The following SLC22A9 variants were observed in gnomAD, a reference collection of about 807,000 sequenced individuals.
SLC22A9 encodes the protein solute carrier family 22 member 9, also known as organic anion transporter 7.
In SLC22A9, 64 loss-of-function variants were observed where a neutral mutation model predicts 50.1. That is an observed-to-expected ratio of 1.28 (90% CI 1.04 to 1.57). The LOEUF (loss-of-function observed/expected upper bound fraction) is 1.57. Among genes scored for constraint, SLC22A9 ranks in the 40% most tolerant of loss-of-function variants. SLC22A9 has a pLI of 0.00. For missense variants in SLC22A9, 757 were observed against 676.1 expected, an observed-to-expected ratio of 1.12 and a Z score of -1.33; for synonymous variants, 261 against 242.5, an observed-to-expected ratio of 1.08 and a Z score of -0.71.
chr11:63,408,260 A>G (rs2015074749), intron 8 of SLC22A9, 40 bp downstream of exon 8: 2 of 1,498,286 alleles, frequency 1.3e-6, no homozygotes, highest in Non-Finnish European at 1.9e-6. Flanking sequence ...TTCAAAATGG[A>G]CCTTTCTCAG....
intron 6 of SLC22A9, among the ~76,000 whole-genome samples, chr11:63,404,194 G>C (rs1233547599): frequency 6.6e-6 from 1 of 152,080 alleles, no homozygotes; most frequent in Non-Finnish European, 1.5e-5. Flanking sequence ...TACCCAACAT[G>C]TATGAACCTT....
intron 2 of SLC22A9, 43 bp downstream of exon 2, chr11:63,371,281 A>G: frequency 7.1e-7 from 1 of 1,412,142 alleles, no homozygotes; most frequent in East Asian, 2.3e-5. Context: ...GGCATTTTTT[A>G]TCAACTTATG....
Position 63,382,254 on chromosome 11 carries a change from G to T in SLC22A9, c.1050G>T (p.Arg350Ser), listed in dbSNP as rs780625044. ...EMLHMPNICKRISLLSFTRFA... is the reference protein window; with the variant it reads ...EMLHMPNICKSISLLSFTRFA... ...TCCACATGCCCAACATATGTAAAAGGATCTCCCTCCTGTCCTTTACGAGGT... is the reference window on the plus strand; with the variant it reads ...TCCACATGCCCAACATATGTAAAAGTATCTCCCTCCTGTCCTTTACGAGGT... Residue 350 changes from arginine (R) to serine (S), a missense_variant, in exon 6 of 10, where the codon AGG becomes AGT. Transcript: ENST00000279178. 9 of 1,609,958 alleles carry T rather than the reference G, an allele frequency of 5.6e-6. No individual in the cohort carries two copies. Among genetic ancestry groups the T allele is most frequent in the Non-Finnish European group, 6.8e-6 (8 of 1,178,690 alleles).
intron 6 of SLC22A9, among the ~76,000 whole-genome samples, chr11:63,384,604 G>T (rs933024685): frequency 2.0e-5 from 3 of 152,090 alleles, no homozygotes; most frequent in African/African-American, 4.8e-5. Context: ...ATGAATGTAC[G>T]TGTGCAAGTA....
Position 63,398,207 on chromosome 11 carries a change from C to T in SLC22A9, c.1074-8290C>T, listed in dbSNP as rs1353665032. 2.0e-5 allele frequency among the ~76,000 whole-genome samples: 3 copies of T among 152,036 alleles called. No individual in the cohort carries two copies. In the East Asian group the frequency reaches 5.8e-4, roughly 29 times the overall value. On this transcript the variant is annotated intron_variant, in intron 6 of 9. Coordinates refer to ENST00000279178, the MANE Select transcript of SLC22A9 (RefSeq NM_080866.3). ...GGGAGCTACATCCTAGAATGCAGGCCCCAGGACCCTATTCTACTGTGGCTG... is the reference window on the plus strand; with the variant it reads ...GGGAGCTACATCCTAGAATGCAGGCTCCAGGACCCTATTCTACTGTGGCTG...
At chr11:63,386,757 AT>A (rs1213656494) in intron 6 of SLC22A9, among the ~76,000 whole-genome samples, 1 of 150,376 alleles carries the variant, frequency 6.6e-6, no homozygotes, top group Non-Finnish European at 1.5e-5. Context: ...TATTTTATTA[AT>A]TTTTTCAAAA....
intron 6 of SLC22A9, among the ~76,000 whole-genome samples, chr11:63,385,106 G>GTTTTGTTTTTTTTGTTGTTGTTGTTGTTT (rs2014638948): frequency 5.5e-4 from 42 of 76,528 alleles, no homozygotes; most frequent in African/African-American, 2.1e-3. Context: ...TGATGATACA[G>GTTTTGTTTTTTTTGTTGTTGTTGTTGTTT]TTTTTTTTTT....
At chr11:63,375,053 A>G (rs2014436598) in intron 4 of SLC22A9, among the ~76,000 whole-genome samples, 1 of 152,184 alleles carries the variant, frequency 6.6e-6, no homozygotes, top group African/African-American at 2.4e-5. Flanking sequence ...AGAAGAGTTC[A>G]GATAGAAAAG....
chr11:63,399,235 C>A (rs150885448), intron 6 of SLC22A9, among the ~76,000 whole-genome samples: 19 of 152,216 alleles, frequency 1.2e-4, no homozygotes, highest in Non-Finnish European at 1.8e-4. Flanking sequence ...GGACTAAATT[C>A]TCCAATTAAA....
At chr11:63,406,837 A>G in intron 7 of SLC22A9, 126 bp downstream of exon 7, 1 of 1,071,154 alleles carries the variant, frequency 9.3e-7, no homozygotes, top group Non-Finnish European at 1.3e-6. Context: ...TCCTGACACC[A>G]ATCTGGGGAT....
At chr11:63,397,969 A>G (rs1565188394) in intron 6 of SLC22A9, among the ~76,000 whole-genome samples, 2 of 152,146 alleles carry the variant, frequency 1.3e-5, no homozygotes, top group East Asian at 3.9e-4. Flanking sequence ...CCCCTTAATT[A>G]CCACAGCTGG....
At chr11:63,380,760 C>T (rs2014546378) in intron 5 of SLC22A9, among the ~76,000 whole-genome samples, 1 of 151,880 alleles carries the variant, frequency 6.6e-6, no homozygotes, top group South Asian at 2.1e-4. Flanking sequence ...GGGTACTGTG[C>T]TTATTAACTT....
At chr11:63,394,794 T>C (rs2119967830) in intron 6 of SLC22A9, among the ~76,000 whole-genome samples, 1 of 152,308 alleles carries the variant, frequency 6.6e-6, no homozygotes, top group African/African-American at 2.4e-5. Context: ...GGGGAAGTTT[T>C]CCTCAATTTT....
intron 6 of SLC22A9, among the ~76,000 whole-genome samples, chr11:63,389,840 T>C (rs1442100946): frequency 1.3e-5 from 2 of 152,196 alleles, no homozygotes; most frequent in Non-Finnish European, 2.9e-5. Context: ...CTCATCAGCA[T>C]CTGTTGTTTC....
chr11:63,373,666 A>T lies in SLC22A9; in HGVS notation c.529A>T (p.Arg177Ter), dbSNP rs146090844. The T allele has an allele frequency of 3.4e-5, 54 of 1,585,402 alleles. No individual in the cohort carries two copies. In the East Asian group the frequency reaches 9.4e-4, roughly 28 times the overall value. ...SDRFGRRFVL[R>*]WCYLQVAIVG... ...CAGGTTTGGGAGAAGGTTCGTGCTC[A>T]GATGGTGTTACCTCCAGGTTGCCAT... The change falls in exon 3 of 10, where the codon AGA becomes TGA. Residue 177 changes from arginine to a stop codon, truncating the protein, a stop_gained. Coordinates refer to ENST00000279178, the MANE Select transcript of SLC22A9 (RefSeq NM_080866.3). LOFTEE classifies it high-confidence loss of function.
intron 6 of SLC22A9, among the ~76,000 whole-genome samples, chr11:63,395,053 T>G (rs1269363607): frequency 6.6e-6 from 1 of 152,026 alleles, no homozygotes; most frequent in Non-Finnish European, 1.5e-5. Flanking sequence ...CAGAGCATTT[T>G]GCATTTCTAT....
intron 5 of SLC22A9, among the ~76,000 whole-genome samples, chr11:63,379,574 G>A (rs757879117): frequency 6.6e-5 from 10 of 152,064 alleles, no homozygotes; most frequent in Non-Finnish European, 1.3e-4. Context: ...AAAGAAGAGT[G>A]TAAACAGAAA....
intron 2 of SLC22A9, among the ~76,000 whole-genome samples, chr11:63,373,016 G>C (rs1282890028): frequency 6.6e-6 from 1 of 152,000 alleles, no homozygotes; most frequent in East Asian, 1.9e-4. Context: ...ACATTGGTGA[G>C]AGCTGAAATC....
At chr11:63,386,924 G>A (rs1182253222) in intron 6 of SLC22A9, among the ~76,000 whole-genome samples, 2 of 151,580 alleles carry the variant, frequency 1.3e-5, no homozygotes, top group African/African-American at 4.8e-5. Context: ...GTTATATCTT[G>A]TCTTCTGCTA....
Sources: allele counts gnomAD v4.1 joint callset (sites outside exome capture counted in the v4.1 genomes callset), GRCh38; gene constraint gnomAD v4.1.1; transcripts MANE v1.5; gene names NCBI Gene and HGNC (gene_info 2026-07-23, HGNC 2026-07-21).